The following CATSPERG variants were observed in gnomAD, a reference collection of about 807,000 sequenced individuals.
CATSPERG encodes the protein cation channel sperm-associated auxiliary subunit gamma.
Under a neutral mutation model 145.0 loss-of-function variants are expected in CATSPERG, and 115 were observed. The ratio of observed to expected loss-of-function variants is 0.79; its 90% confidence interval spans 0.68 to 0.93. The LOEUF is 0.93. Ranked by LOEUF, CATSPERG falls within the 40% of genes least tolerant of loss-of-function variation. The pLI, the probability that CATSPERG is intolerant of heterozygous loss-of-function variation, is 0.00. For synonymous variants in CATSPERG, 588 were observed against 589.0 expected, an observed-to-expected ratio of 1.00 and a Z score of 0.02; for missense variants, 1,296 against 1,490.1, an observed-to-expected ratio of 0.87 and a Z score of 2.14.
rs565917455 is a variant in CATSPERG at position 38,358,718 on chromosome 19, G to A, written c.1496+157G>A. ...CCAGGACTGTGATGAGGAACACACC[G>A]TTAGGGTAGTCAGTGCTGGGATGGG... is the stretch of plus-strand genomic sequence containing the variant. On this transcript the variant is annotated intron_variant, in intron 13 of 28. Transcript: ENST00000409235. 1.5e-4 allele frequency among the ~76,000 whole-genome samples: 23 copies of A among 152,356 alleles called. No homozygotes were observed. In the East Asian group the frequency reaches 3.7e-3, roughly 24 times the overall value.
In CATSPERG at chr19:38,364,988, G is replaced by T; in HGVS notation, c.2556+17G>T. On this transcript the variant is annotated intron_variant, in intron 21 of 28. Coordinates refer to ENST00000409235, the MANE Select transcript of CATSPERG (RefSeq NM_021185.5). Reference sequence around the variant, plus strand: ...ACGGTCAATGTGAGGTCCAAGCCTGGAGGGGAGGGTGCAGGATGGTGGGAA... The same window carrying T: ...ACGGTCAATGTGAGGTCCAAGCCTGTAGGGGAGGGTGCAGGATGGTGGGAA... The T allele has an allele frequency of 5.6e-6, 9 of 1,613,780 alleles. No homozygotes were observed. The highest frequency in any genetic ancestry group is 7.6e-6 in the Non-Finnish European group (9 of 1,179,646).
intron 28 of CATSPERG, 78 bp from the exon 29 acceptor site, chr19:38,370,448 C>A: frequency 1.3e-6 from 2 of 1,577,358 alleles, no homozygotes; most frequent in Non-Finnish European, 1.7e-6. Context: ...TGTCAATTTC[C>A]CTGTCACTGT....
chr19:38,353,990 CAAAAAAAAAA>C (rs965226814), intron 8 of CATSPERG, among the ~76,000 whole-genome samples: 291 of 30,584 alleles, frequency 9.5e-3, no homozygotes, highest in African/African-American at 0.036. Context: ...GACTCTGTCT[CAAAAAAAAAA>C]AAAAAAAAAA....
rs767417104 is a variant in CATSPERG, at chr19:38,367,549, A to C, written c.2811A>C (p.Gly937=). 1.4e-5 allele frequency: 23 copies of C among 1,613,902 alleles called. No individual in the cohort carries two copies. Among genetic ancestry groups the C allele is most frequent in the Middle Eastern group, 1.6e-4 (1 of 6,084 alleles). ...PFFLIQDLVT[G]DSGSFQGSYV... ...TCTTGATTCAAGATTTGGTGACAGG[A>C]GACTCCGGCAGTTTCCAGGGCAGGT... The change falls in exon 24 of 29, where the codon GGA becomes GGC. Residue 937 remains glycine (G), a synonymous_variant. Transcript: ENST00000409235.
intron 26 of CATSPERG, among the ~76,000 whole-genome samples, chr19:38,369,071 G>A (rs1036317531): frequency 5.3e-5 from 8 of 151,980 alleles, no homozygotes; most frequent in South Asian, 4.1e-4. Flanking sequence ...AAATCAATTC[G>A]TGGCAGGCAT....
At chr19:38,359,948 G>A (rs757265452) in intron 14 of CATSPERG, 33 of 1,037,294 alleles carry the variant, frequency 3.2e-5, no homozygotes, top group Non-Finnish European at 3.6e-5. Flanking sequence ...ACCTGGCCCC[G>A]TCTGGGGGCT....
intron 1 of CATSPERG, 26 bp from the exon 2 acceptor site, chr19:38,337,195 T>C: frequency 1.3e-6 from 2 of 1,542,944 alleles, no homozygotes; most frequent in Middle Eastern, 1.8e-4. Flanking sequence ...GTCCGGCGCG[T>C]GGGTGTTGAC....
In CATSPERG at chr19:38,357,251, T is replaced by G. The variant is rs1040070017; in HGVS notation, c.1315+390T>G. ...AAGGGCTAGGCAAGGGGCTCACACC[T>G]GTAATCCCAGCACTTTGGGAGGCCA... On this transcript the variant is annotated intron_variant, in intron 11 of 28. Coordinates refer to ENST00000409235, the MANE Select transcript of CATSPERG (RefSeq NM_021185.5). Among the ~76,000 whole-genome samples the G allele has an allele frequency of 4.0e-5, 6 of 151,382 alleles. No individual in the cohort carries two copies. In the Admixed American group the frequency reaches 4.0e-4, roughly 10 times the overall value.
intron 3 of CATSPERG, 142 bp from the exon 4 acceptor site, chr19:38,343,438 G>A (rs920380071): frequency 2.6e-6 from 2 of 758,456 alleles, no homozygotes; most frequent in Middle Eastern, 7.7e-4. Context: ...CCCAAACCTA[G>A]ACCATGTCCT....
intron 7 of CATSPERG, among the ~76,000 whole-genome samples, chr19:38,349,831 A>T (rs1426345114): frequency 6.6e-6 from 1 of 151,658 alleles, no homozygotes; most frequent in Admixed American, 6.6e-5. Flanking sequence ...CACCTGGCTG[A>T]TTTTTGTATT....
chr19:38,358,087 C>T (rs1287537067), intron 11 of CATSPERG, 191 bp from the exon 12 acceptor site: 4 of 606,538 alleles, frequency 6.6e-6, no homozygotes, highest in Middle Eastern at 4.4e-4. Context: ...CACTGCACTC[C>T]AGCCTGGGCG....
At chr19:38,365,598 C>T (rs1387732367) in intron 22 of CATSPERG, 1 of 158,822 alleles carries the variant, frequency 6.3e-6, no homozygotes, top group African/African-American at 2.4e-5. Flanking sequence ...TTCACGTTTT[C>T]AGAAAGGGCC....
chr19:38,366,598 G>A, intron 22 of CATSPERG: 1 of 153,706 alleles, frequency 6.5e-6, no homozygotes. Flanking sequence ...ACATCAATGA[G>A]GGGACTGGAA....
At chr19:38,344,410 T>A (rs1969991963) in intron 6 of CATSPERG, 42 bp downstream of exon 6, 1 of 1,511,892 alleles carries the variant, frequency 6.6e-7, no homozygotes, top group Non-Finnish European at 9.0e-7. Context: ...GGTCTGGGCC[T>A]TAGGCTGACG....
In CATSPERG at chr19:38,370,244, C is replaced by A. The variant is rs769175989; in HGVS notation, c.3199C>A (p.Leu1067Ile). 1.2e-6 allele frequency: 2 copies of A among 1,613,450 alleles called. No individual in the cohort carries two copies. The highest frequency in any genetic ancestry group is 1.7e-6 in the Non-Finnish European group (2 of 1,180,024). ...GCTGCCACTCAGTCCCAAGCGGGCCCTTTTCATCATCATGGTGAGTGGCTG... is the reference window on the plus strand; with the variant it reads ...GCTGCCACTCAGTCCCAAGCGGGCCATTTTCATCATCATGGTGAGTGGCTG... ...HGLPLSPKRA[L>I]FIIMVSASVF... is the part of the protein sequence containing the mutation. Residue 1067 changes from leucine (L) to isoleucine (I), a missense_variant, in exon 28 of 29, where the codon CTT becomes ATT. Coordinates refer to ENST00000409235, the MANE Select transcript of CATSPERG (RefSeq NM_021185.5).
intron 7 of CATSPERG, among the ~76,000 whole-genome samples, chr19:38,348,391 C>T (rs1970076282): frequency 6.6e-6 from 1 of 151,914 alleles, no homozygotes; most frequent in Non-Finnish European, 1.5e-5. Context: ...AAACTCCTGC[C>T]CTTAAGCAAT....
intron 7 of CATSPERG, among the ~76,000 whole-genome samples, chr19:38,348,312 C>T (rs1970075210): frequency 6.6e-6 from 1 of 151,820 alleles, no homozygotes; most frequent in Non-Finnish European, 1.5e-5. Flanking sequence ...GCATGCGCCA[C>T]CTTACCTGGC....
At chr19:38,341,974 G>A (rs943676558) in intron 3 of CATSPERG, among the ~76,000 whole-genome samples, 1 of 151,928 alleles carries the variant, frequency 6.6e-6, no homozygotes, top group Non-Finnish European at 1.5e-5. Flanking sequence ...TATTTGGGAG[G>A]CTGAGGTAAG....
chr19:38,361,731 C>A lies in CATSPERG; in HGVS notation c.1964C>A (p.Thr655Lys). 1.9e-6 allele frequency: 3 copies of A among 1,613,406 alleles called. No homozygotes were observed. The highest frequency in any genetic ancestry group is 2.5e-6 in the Non-Finnish European group (3 of 1,179,878). Residue 655 changes from threonine to lysine, a missense_variant, in exon 17 of 29, where the codon ACG (threonine) becomes AAG (lysine). By Grantham distance (78) the Thr-to-Lys change is moderately conservative. Transcript: ENST00000409235. The part of the protein sequence containing the change: ...LRSLPSPQRY[T>K]RQERYRARPP... Reference sequence around the variant, plus strand: ...AGCCTGCCCAGTCCGCAGAGATACACGCGCCAGGAGCGCTACCGGGCGCGG... The same window carrying A: ...AGCCTGCCCAGTCCGCAGAGATACAAGCGCCAGGAGCGCTACCGGGCGCGG...
Sources: gnomAD v4.1 joint callset for allele counts (sites outside exome capture counted in the v4.1 genomes callset) on GRCh38, gnomAD v4.1.1 for gene constraint, MANE v1.5 for transcripts, NCBI Gene and HGNC (gene_info 2026-07-23, HGNC 2026-07-21) for gene names.